PRUNE2: variants seen among roughly 807,000 people sequenced by gnomAD.
PRUNE2 encodes protein prune homolog 2.
Under a neutral mutation model 252.0 loss-of-function variants are expected in PRUNE2, and 164 were observed. The observed-to-expected ratio is 0.65, with a 90% CI of 0.57 to 0.74. The LOEUF (loss-of-function observed/expected upper bound fraction) is 0.74, where lower values mean the gene tolerates loss of function less well. PRUNE2 is among the 30% of genes least tolerant of loss of function. PRUNE2 has a pLI of 0.00. For missense variants in PRUNE2, 3,495 were observed against 3,711.0 expected, an observed-to-expected ratio of 0.94 and a Z score of 1.51; for synonymous variants, 1,292 against 1,350.2, an observed-to-expected ratio of 0.96 and a Z score of 0.94.
intron 15 of PRUNE2, among the ~76,000 whole-genome samples, chr9:76,630,998 C>G (rs1837399084): frequency 6.6e-6 from 1 of 152,190 alleles, no homozygotes; most frequent in South Asian, 2.1e-4. Context: ...TAGTAAGAAG[C>G]TTTTTTGAGG....
chr9:76,624,367 A>C, intron 17 of PRUNE2, 85 bp downstream of exon 17: 14 of 880,930 alleles, frequency 1.6e-5, no homozygotes, highest in Non-Finnish European at 2.2e-5. Context: ...GCAGGAATAA[A>C]ACACCAGGCA....
chr9:76,657,513 C>T (rs1452892313), intron 9 of PRUNE2, among the ~76,000 whole-genome samples: 1 of 152,160 alleles, frequency 6.6e-6, no homozygotes, highest in Non-Finnish European at 1.5e-5. Context: ...TTGCAGGAGT[C>T]CTGCCTGGAT....
intron 6 of PRUNE2, among the ~76,000 whole-genome samples, chr9:76,753,627 G>A (rs948858317): frequency 2.0e-5 from 3 of 152,232 alleles, no homozygotes; most frequent in Non-Finnish European, 4.4e-5. Flanking sequence ...CAGGAATAGG[G>A]CCACGCTTCA....
At chr9:76,725,596 T>A (rs967886756) in intron 6 of PRUNE2, among the ~76,000 whole-genome samples, 19 of 152,336 alleles carry the variant, frequency 1.2e-4, no homozygotes, top group African/African-American at 4.3e-4. Context: ...GGCACACACC[T>A]TTCACCACCC....
intron 6 of PRUNE2, among the ~76,000 whole-genome samples, chr9:76,790,833 C>G (rs1199227614): frequency 2.0e-5 from 3 of 152,140 alleles, no homozygotes; most frequent in Admixed American, 1.3e-4. Context: ...GGAGTGTCAT[C>G]ATATTCAATA....
rs1480397008 is a variant in PRUNE2 at position 76,613,075 on chromosome 9, T to C, written c.*1495A>G. 6.6e-6 allele frequency: 1 copy of C among 152,246 alleles called. No homozygotes were observed. The highest frequency in any genetic ancestry group is 1.5e-5 in the Non-Finnish European group (1 of 68,042). 9.4% of individuals were successfully genotyped at this position (152,246 alleles called of 1,614,324 possible). On this transcript the variant is annotated 3_prime_UTR_variant, in exon 19 of 19. Coordinates refer to ENST00000376718, the MANE Select transcript of PRUNE2 (RefSeq NM_015225.3). Reference sequence around the variant, plus strand: ...TCTAAGAAGGCTTCATTTTGGCAATTGCAACCTAAGCAGTGATTTTGTGGC... The same window carrying C: ...TCTAAGAAGGCTTCATTTTGGCAATCGCAACCTAAGCAGTGATTTTGTGGC...
rs564251631 is a variant in PRUNE2, at chr9:76,615,243, G to T, written c.9237-643C>A. On this transcript the variant is annotated intron_variant, in intron 18 of 18. Coordinates refer to ENST00000376718, the MANE Select transcript of PRUNE2 (RefSeq NM_015225.3). ...AGTGAACACAGCACAACTTCCTACC[G>T]CATCCACCCAAGAGGAAGAAAACCA... The T allele has an allele frequency of 5.3e-4, 527 of 985,136 alleles. 4 individuals carry two copies. The highest frequency in any genetic ancestry group is 4.5e-3 in the South Asian group (95 of 21,276). The allele number at this position is 985,136 out of a possible 1,614,324, so 61.0% of individuals were successfully genotyped here. A position where few individuals can be genotyped will look rare whatever the true frequency, so the allele number is the denominator to read the frequency against.
intron 12 of PRUNE2, among the ~76,000 whole-genome samples, chr9:76,639,103 C>T (rs976318952): frequency 6.6e-6 from 1 of 152,174 alleles, no homozygotes. Context: ...AGCTATATGA[C>T]GTTCCCCCAT....
rs770778341 is a variant in PRUNE2, at chr9:76,705,351, C to A, written c.6923G>T (p.Gly2308Val). ...TATTGTTCCCGTGGATGTGTTGAGA[C>A]CTGAGGCATCGCTGAAACTGTGGTC... The part of the protein sequence containing the change: ...AFDHSFSDAS[G>V]LNTSTGTIDD... Residue 2308 changes from glycine to valine, a missense_variant, in exon 8 of 19, where the codon GGT becomes GTT. Gly to Val is a moderately radical substitution (Grantham distance 109). Coordinates refer to ENST00000376718, the MANE Select transcript of PRUNE2 (RefSeq NM_015225.3). 2 of 1,613,870 alleles carry A rather than the reference C, an allele frequency of 1.2e-6. No individual in the cohort carries two copies. The highest frequency in any genetic ancestry group is 2.7e-5 in the African/African-American group (2 of 74,928).
rs1564092795 is a variant in PRUNE2, at chr9:76,705,775, CA to C, written c.6498del (p.Val2167CysfsTer11). Reference sequence around the variant, plus strand: ...GCTTGATAGCCAATTGGAGGCAGCACAGTTGCGTTTTCAGAATCGAGTTCTG... The same window carrying C: ...GCTTGATAGCCAATTGGAGGCAGCACGTTGCGTTTTCAGAATCGAGTTCTG... ...SNAELDSENA[T>X]VLPPIGYQAD... On this transcript the variant is annotated frameshift_variant, in exon 8 of 19. Transcript: ENST00000376718. LOFTEE classifies it high-confidence loss of function. 6.2e-7 allele frequency: 1 copy of C among 1,613,952 alleles called. No homozygotes were observed.
At chr9:76,674,255 C>T (rs964462394) in intron 9 of PRUNE2, among the ~76,000 whole-genome samples, 1 of 152,132 alleles carries the variant, frequency 6.6e-6, no homozygotes, top group Non-Finnish European at 1.5e-5. Flanking sequence ...TTCTTATACA[C>T]CAACAACAGA....
chr9:76,721,646 C>G (rs561256412), intron 6 of PRUNE2, among the ~76,000 whole-genome samples: 14 of 152,258 alleles, frequency 9.2e-5, no homozygotes, highest in Admixed American at 7.2e-4. Context: ...TTTTTGGGAA[C>G]AGTGAGTCTT....
chr9:76,628,179 G>A (rs144116597), intron 16 of PRUNE2, among the ~76,000 whole-genome samples: 2 of 152,160 alleles, frequency 1.3e-5, no homozygotes, highest in East Asian at 3.9e-4. Flanking sequence ...GAAAACAATC[G>A]TTCTTTGCAA....
intron 9 of PRUNE2, among the ~76,000 whole-genome samples, chr9:76,697,661 G>C (rs1384570586): frequency 1.3e-5 from 2 of 152,224 alleles, no homozygotes; most frequent in African/African-American, 4.8e-5. Context: ...TCAACCTATA[G>C]AAGCAGCTCA....
At chr9:76,904,242 T>C (rs1033762781) in intron 1 of PRUNE2, among the ~76,000 whole-genome samples, 2 of 152,188 alleles carry the variant, frequency 1.3e-5, no homozygotes, top group Admixed American at 1.3e-4. Flanking sequence ...TCCTTTTTTT[T>C]TTAATGATGT....
At chr9:76,804,146 A>G (rs562770969) in intron 6 of PRUNE2, among the ~76,000 whole-genome samples, 1 of 151,068 alleles carries the variant, frequency 6.6e-6, no homozygotes, top group South Asian at 2.1e-4. Flanking sequence ...CAGGACAGCC[A>G]CCTATTCTAC....
chr9:76,615,958 C>T (rs749108345), intron 18 of PRUNE2, among the ~76,000 whole-genome samples: 3 of 151,692 alleles, frequency 2.0e-5, no homozygotes, highest in South Asian at 2.1e-4. Flanking sequence ...TTTAGCGAGA[C>T]GGGGTTTCAC....
intron 6 of PRUNE2, among the ~76,000 whole-genome samples, chr9:76,767,678 A>G (rs2052566732): frequency 6.6e-6 from 1 of 152,088 alleles, no homozygotes; most frequent in Non-Finnish European, 1.5e-5. Context: ...TTAAAGCCTC[A>G]TCTCTTGACC....
intron 4 of PRUNE2, among the ~76,000 whole-genome samples, chr9:76,833,254 G>C (rs901476163): frequency 2.0e-5 from 3 of 151,926 alleles, no homozygotes; most frequent in African/African-American, 7.3e-5. Flanking sequence ...TAGCCACCAA[G>C]TAGGGCTCCC....
Sources: allele counts gnomAD v4.1 joint callset (sites outside exome capture counted in the v4.1 genomes callset), GRCh38; gene constraint gnomAD v4.1.1; transcripts MANE v1.5; gene names NCBI Gene and HGNC (gene_info 2026-07-23, HGNC 2026-07-21).